CNTNAP4: variants seen among roughly 807,000 people sequenced by gnomAD.
The protein encoded by CNTNAP4 is contactin associated protein family member 4.
CNTNAP4 carries 98 observed loss-of-function variants against 148.4 expected under a neutral mutation model. The ratio of observed to expected loss-of-function variants is 0.66; its 90% CI spans 0.56 to 0.78. The LOEUF is 0.78. Ranked by LOEUF, CNTNAP4 falls within the 30% of genes least tolerant of loss-of-function variation. The pLI, the probability that CNTNAP4 is intolerant of heterozygous loss-of-function variation, is 0.00. For missense variants in CNTNAP4, 1,935 were observed against 1,565.6 expected (o/e 1.24, Z -3.98); for synonymous variants, 730 against 565.1 (o/e 1.29, Z -4.14).
In CNTNAP4 at chr16:76,427,494, A is replaced by C. The variant is rs746097690; in HGVS notation, c.433A>C (p.Arg145=). 3 of 1,613,288 alleles carry C rather than the reference A, an allele frequency of 1.9e-6. No individual in the cohort carries two copies. The Admixed American group carries it at 5.0e-5, about 27-fold the overall frequency. Residue 145 remains arginine, a synonymous_variant, in exon 4 of 24, where the codon AGA becomes CGA. Transcript: ENST00000611870. ...AAATGCAGACAGTGTTGTGTACTAT[A>C]GACTCCAGCCTTCTATCAAAGCCAG... ...NANADSVVYY[R]LQPSIKARFL...
chr16:76,503,810 A>G (rs1478697777), intron 15 of CNTNAP4, among the ~76,000 whole-genome samples: 1 of 152,032 alleles, frequency 6.6e-6, no homozygotes, highest in African/African-American at 2.4e-5. Context: ...TAGTTTGCTG[A>G]GAATGATGGT....
intron 1 of CNTNAP4, among the ~76,000 whole-genome samples, chr16:76,291,373 TG>T (rs929016198): frequency 6.6e-5 from 10 of 152,158 alleles, no homozygotes; most frequent in African/African-American, 2.4e-4. Context: ...CTGGTGGACA[TG>T]GGGGTACCAC....
At chr16:76,462,878 T>C (rs2081034673) in intron 9 of CNTNAP4, among the ~76,000 whole-genome samples, 2 of 152,376 alleles carry the variant, frequency 1.3e-5, no homozygotes, top group South Asian at 4.1e-4. Context: ...TGTTACATTT[T>C]ACTAATTGCT....
intron 2 of CNTNAP4, among the ~76,000 whole-genome samples, chr16:76,343,000 A>G (rs1267294378): frequency 6.6e-6 from 1 of 152,018 alleles, no homozygotes; most frequent in Non-Finnish European, 1.5e-5. Context: ...CAGCTGCCAC[A>G]TTCTCTGTGG....
chr16:76,426,911 G>A (rs992069174), intron 3 of CNTNAP4, among the ~76,000 whole-genome samples: 1 of 152,154 alleles, frequency 6.6e-6, no homozygotes, highest in African/African-American at 2.4e-5. Flanking sequence ...GCATTGTGCT[G>A]CTGAGGTTTA....
At position 76,427,489 on chromosome 16, in the gene CNTNAP4, A is replaced by T. The variant is rs1365339905; in HGVS notation, c.428A>T (p.Tyr143Phe). ...SGNANADSVV[Y>F]YRLQPSIKAR... Reference sequence around the variant, plus strand: ...AATGCAAATGCAGACAGTGTTGTGTACTATAGACTCCAGCCTTCTATCAAA... The same window carrying T: ...AATGCAAATGCAGACAGTGTTGTGTTCTATAGACTCCAGCCTTCTATCAAA... Residue 143 changes from tyrosine to phenylalanine, a missense_variant, in exon 4 of 24, where the codon TAC becomes TTC. Tyr to Phe is a conservative substitution (Grantham distance 22). Coordinates refer to ENST00000611870, the MANE Select transcript of CNTNAP4 (RefSeq NM_033401.5). 6.2e-7 allele frequency: 1 copy of T among 1,613,026 alleles called. No individual in the cohort carries two copies. Among genetic ancestry groups the T allele is most frequent in the Non-Finnish European group, 8.5e-7 (1 of 1,179,422 alleles).
intron 2 of CNTNAP4, among the ~76,000 whole-genome samples, chr16:76,318,966 C>G (rs924372305): frequency 3.3e-5 from 5 of 151,940 alleles, no homozygotes; most frequent in Non-Finnish European, 7.4e-5. Flanking sequence ...ATTATGAAAA[C>G]TTAGAGCCAA....
chr16:76,350,259 A>G (rs1247441509), intron 2 of CNTNAP4, among the ~76,000 whole-genome samples: 2 of 152,184 alleles, frequency 1.3e-5, no homozygotes, highest in African/African-American at 4.8e-5. Flanking sequence ...TTAAAATAGT[A>G]TTAAAAATAA....
At chr16:76,312,097 C>T (rs751845371) in intron 1 of CNTNAP4, among the ~76,000 whole-genome samples, 63 of 152,130 alleles carry the variant, frequency 4.1e-4, no homozygotes, top group Non-Finnish European at 8.8e-4. Context: ...GACTAGTTTT[C>T]TGAGTTGCTT....
intron 1 of CNTNAP4, chr16:76,316,112 C>T: frequency 2.3e-6 from 1 of 440,966 alleles, no homozygotes. Flanking sequence ...ATTTAATTTT[C>T]ATACAGTTAA....
At chr16:76,393,990 G>C (rs1434401976) in intron 3 of CNTNAP4, among the ~76,000 whole-genome samples, 1 of 152,122 alleles carries the variant, frequency 6.6e-6, no homozygotes, top group Non-Finnish European at 1.5e-5. Flanking sequence ...TTTCCCTGCT[G>C]GTTTTTCCTT....
chr16:76,383,641 C>G (rs1252853868), intron 3 of CNTNAP4, among the ~76,000 whole-genome samples: 2 of 152,064 alleles, frequency 1.3e-5, no homozygotes, highest in Non-Finnish European at 1.5e-5. Context: ...GATAAGCAGT[C>G]CACACAGGAT....
intron 3 of CNTNAP4, among the ~76,000 whole-genome samples, chr16:76,388,497 A>G (rs1218625075): frequency 6.6e-6 from 1 of 152,244 alleles, no homozygotes; most frequent in South Asian, 2.1e-4. Flanking sequence ...ATGGATTTCT[A>G]GTGTTTTCTT....
chr16:76,360,518 C>T (rs1567848277), intron 3 of CNTNAP4, among the ~76,000 whole-genome samples: 1 of 152,130 alleles, frequency 6.6e-6, no homozygotes, highest in Admixed American at 6.5e-5. Context: ...TTGACCTAAG[C>T]CTACAAGCAG....
chr16:76,472,945 C>A (rs2081426364), intron 10 of CNTNAP4, among the ~76,000 whole-genome samples: 3 of 152,036 alleles, frequency 2.0e-5, no homozygotes. Context: ...TAAGTTACCC[C>A]TGAACTTAAA....
intron 2 of CNTNAP4, among the ~76,000 whole-genome samples, chr16:76,329,490 A>G (rs1342099591): frequency 6.6e-6 from 1 of 152,190 alleles, no homozygotes; most frequent in African/African-American, 2.4e-5. Flanking sequence ...AGCCCTTCCA[A>G]AGGCTACTCT....
chr16:76,344,192 A>G (rs1313258150), intron 2 of CNTNAP4, among the ~76,000 whole-genome samples: 2 of 151,326 alleles, frequency 1.3e-5, no homozygotes, highest in East Asian at 1.9e-4. Context: ...AAATACATAC[A>G]TACACACATA....
chr16:76,449,424 GGTTATA>G (rs2143187481), intron 6 of CNTNAP4, among the ~76,000 whole-genome samples: 1 of 152,144 alleles, frequency 6.6e-6, no homozygotes, highest in East Asian at 1.9e-4. Context: ...TATTATAATT[GGTTATA>G]GTATTAAACA....
chr16:76,425,496 T>C (rs895061990), intron 3 of CNTNAP4, among the ~76,000 whole-genome samples: 2 of 152,148 alleles, frequency 1.3e-5, no homozygotes, highest in Non-Finnish European at 2.9e-5. Flanking sequence ...GTTTGTTTTC[T>C]AGGAGGATAA....
Sources: gnomAD v4.1 joint callset for allele counts (sites outside exome capture counted in the v4.1 genomes callset) on GRCh38, gnomAD v4.1.1 for gene constraint, MANE v1.5 for transcripts, NCBI Gene and HGNC (gene_info 2026-07-23, HGNC 2026-07-21) for gene names.